ARHGAP15: variants seen among roughly 807,000 people sequenced by gnomAD.
ARHGAP15 encodes rho GTPase-activating protein 15.
ARHGAP15 carries 51 observed loss-of-function variants against 63.7 expected under a neutral mutation model. The ratio of observed to expected loss-of-function variants is 0.80; its 90% confidence interval spans 0.64 to 1.01. ARHGAP15 has a LOEUF of 1.01. Among genes scored for constraint, ARHGAP15 ranks in the 50% least tolerant of loss-of-function variants. The probability of loss-of-function intolerance (pLI) is 0.00; values close to 1 mark genes in which losing one functional copy is unlikely to be tolerated. For synonymous variants in ARHGAP15, 191 were observed against 193.8 expected (o/e 0.99, Z 0.12); for missense variants, 560 against 564.6 (o/e 0.99, Z 0.08).
chr2:143,144,126 T>G (rs559037731), intron 1 of ARHGAP15, among the ~76,000 whole-genome samples: 2 of 152,198 alleles, frequency 1.3e-5, no homozygotes, highest in South Asian at 4.1e-4. Context: ...TAGTATTCCA[T>G]AGTGTATATG....
rs13423552 is a variant in ARHGAP15 at position 143,537,292 on chromosome 2, G to A, written c.925+17928G>A. The stretch of plus-strand genomic sequence containing the variant: ...TCTGGATATTAGCCCTTTGTCAGAT[G>A]AGTAAGTTGCAAAAATTTTCTCCCA... On this transcript the variant is annotated intron_variant, in intron 10 of 13. Transcript: ENST00000295095. 8.9e-3 allele frequency among the ~76,000 whole-genome samples: 1,355 copies of A among 152,204 alleles called. 25 individuals carry two copies. The highest frequency in any genetic ancestry group is 0.031 in the African/African-American group (1,296 of 41,522).
At position 143,492,639 on chromosome 2, in the gene ARHGAP15, A is replaced by G. The variant is rs117956140; in HGVS notation, c.826+5144A>G. Among the ~76,000 whole-genome samples the G allele has an allele frequency of 3.0e-3, 450 of 152,176 alleles. 12 individuals are homozygous for G. The East Asian group carries it at 0.077, about 26-fold the overall frequency. On this transcript the variant is annotated intron_variant, in intron 9 of 13. Transcript: ENST00000295095. ...TAGCCAGGCGTGGTGATGCATGTCT[A>G]CAGTCCCAGCTACACAGGAGACTGA...
intron 6 of ARHGAP15, among the ~76,000 whole-genome samples, chr2:143,359,936 C>CA (rs1437413089): frequency 6.6e-6 from 1 of 152,030 alleles, no homozygotes; most frequent in African/African-American, 2.4e-5. Flanking sequence ...ATGATATTTA[C>CA]AAACACTTTT....
intron 6 of ARHGAP15, among the ~76,000 whole-genome samples, chr2:143,400,256 A>T (rs147717022): frequency 6.6e-6 from 1 of 152,210 alleles, no homozygotes; most frequent in African/African-American, 2.4e-5. Flanking sequence ...TAAGGAATTT[A>T]GGCTTAAAAT....
chr2:143,454,024 ATTAC>A (rs1233196961), intron 8 of ARHGAP15, among the ~76,000 whole-genome samples: 1 of 152,068 alleles, frequency 6.6e-6, no homozygotes, highest in African/African-American at 2.4e-5. Context: ...CTGAAAAGAA[ATTAC>A]TTATCAGCAT....
At chr2:143,575,790 A>G (rs1241862808) in intron 11 of ARHGAP15, among the ~76,000 whole-genome samples, 2 of 152,164 alleles carry the variant, frequency 1.3e-5, no homozygotes, top group Non-Finnish European at 2.9e-5. Flanking sequence ...TGAGGATTAC[A>G]GTTCATTTGT....
At chr2:143,673,754 G>GTATATATATA (rs1166388931) in intron 12 of ARHGAP15, among the ~76,000 whole-genome samples, 2 of 31,406 alleles carry the variant, frequency 6.4e-5, no homozygotes, top group African/African-American at 1.4e-4. Flanking sequence ...GTGTGTGTGT[G>GTATATATATA]TGTGTATATA....
At position 143,449,688 on chromosome 2, in the gene ARHGAP15, A is replaced by G. The variant is rs537631727; in HGVS notation, c.703+12646A>G. Among the ~76,000 whole-genome samples, 149 of 152,240 alleles carry G rather than the reference A, an allele frequency of 9.8e-4. 1 individual carries two copies. In the Middle Eastern group the frequency reaches 0.027, roughly 28 times the overall value. On this transcript the variant is annotated intron_variant, in intron 8 of 13. Coordinates refer to ENST00000295095, the MANE Select transcript of ARHGAP15 (RefSeq NM_018460.4). ...AAGTAGGCCCACAATTTCACAATTT[A>G]GTTATCAAAAAATAGAGGAAAGATT...
intron 12 of ARHGAP15, among the ~76,000 whole-genome samples, chr2:143,662,960 G>T (rs1008273943): frequency 1.4e-5 from 2 of 143,432 alleles, no homozygotes; most frequent in Non-Finnish European, 3.1e-5. Context: ...GAAAGTGATG[G>T]GGAGAATGGA....
intron 11 of ARHGAP15, chr2:143,606,645 A>G (rs1698044159): frequency 6.6e-6 from 1 of 152,198 alleles, no homozygotes; most frequent in Admixed American, 6.5e-5. Flanking sequence ...GGTATATGAG[A>G]CATCCACATG....
chr2:143,659,245 A>G (rs1681616291), intron 12 of ARHGAP15, among the ~76,000 whole-genome samples: 1 of 152,194 alleles, frequency 6.6e-6, no homozygotes, highest in African/African-American at 2.4e-5. Flanking sequence ...TAGGGAAAAA[A>G]GGGATAACAA....
intron 2 of ARHGAP15, among the ~76,000 whole-genome samples, chr2:143,193,166 GA>G (rs917045742): frequency 6.6e-5 from 10 of 151,790 alleles, no homozygotes; most frequent in African/African-American, 2.2e-4. Context: ...ATTGTACAAA[GA>G]AAAAAAGAAA....
chr2:143,523,652 A>T (rs1694148648), intron 10 of ARHGAP15, among the ~76,000 whole-genome samples: 1 of 152,132 alleles, frequency 6.6e-6, no homozygotes, highest in African/African-American at 2.4e-5. Flanking sequence ...TATGGATCCA[A>T]AATTTTTTTG....
At position 143,673,746 on chromosome 2, in the gene ARHGAP15, G is replaced by GTATATA. The variant is rs1405952200; in HGVS notation, c.1139-29672_1139-29671insATATAT. ...ATTGTGTGTGTGTGTGTGTGTGTGT[G>GTATATA]TGTGTGTGTGTGTATATATATATAT... is the stretch of plus-strand genomic sequence containing the variant. On this transcript the variant is annotated intron_variant, in intron 12 of 13. Transcript: ENST00000295095. Among the ~76,000 whole-genome samples the GTATATA allele has an allele frequency of 3.9e-3, 115 of 29,590 alleles. 2 individuals carry two copies. The highest frequency in any genetic ancestry group is 0.011 in the South Asian group (4 of 372). 19.4% of individuals were successfully genotyped at this position (29,590 alleles called of 152,430 possible).
intron 12 of ARHGAP15, among the ~76,000 whole-genome samples, chr2:143,640,529 A>G (rs1680552456): frequency 6.6e-6 from 1 of 152,088 alleles, no homozygotes; most frequent in Non-Finnish European, 1.5e-5. Context: ...ATTTCATCTC[A>G]GTGGCTTAAA....
chr2:143,700,673 AATATAT>A (rs70982881), intron 12 of ARHGAP15, among the ~76,000 whole-genome samples: 1 of 151,546 alleles, frequency 6.6e-6, no homozygotes, highest in Non-Finnish European at 1.5e-5. Context: ...CTCTTGAATG[AATATAT>A]ATATATGAGT....
intron 11 of ARHGAP15, among the ~76,000 whole-genome samples, chr2:143,575,632 G>A: frequency 6.6e-6 from 1 of 152,084 alleles, no homozygotes; most frequent in Non-Finnish European, 1.5e-5. Context: ...CATTTTGCAA[G>A]TGGGAAATTT....
intron 13 of ARHGAP15, among the ~76,000 whole-genome samples, chr2:143,728,600 A>G (rs2292834): frequency 0.064 from 9,667 of 152,208 alleles, 443 homozygotes; most frequent in East Asian, 0.27. Context: ...CACATCCTCT[A>G]TGGGAATGAA....
chr2:143,235,886 G>A (rs1693622530), intron 5 of ARHGAP15: 6 of 1,495,880 alleles, frequency 4.0e-6, no homozygotes, highest in African/African-American at 1.4e-5. Flanking sequence ...TATTTCAATT[G>A]ACTCTAGCAC....
Sources: gnomAD v4.1 joint callset for allele counts (sites outside exome capture counted in the v4.1 genomes callset) on GRCh38, gnomAD v4.1.1 for gene constraint, MANE v1.5 for transcripts, NCBI Gene and HGNC (gene_info 2026-07-23, HGNC 2026-07-21) for gene names.